The following PPM1B variants were observed in gnomAD, a reference collection of about 807,000 sequenced individuals.
PPM1B encodes the protein protein phosphatase 1B.
PPM1B carries 22 observed loss-of-function variants against 43.0 expected under a neutral mutation model. The ratio of observed to expected loss-of-function variants is 0.51; its 90% CI spans 0.37 to 0.73. The LOEUF (loss-of-function observed/expected upper bound fraction) is 0.73, where lower values mean the gene tolerates loss of function less well. Ranked by LOEUF, PPM1B falls within the 30% of genes least tolerant of loss-of-function variation. The pLI is 0.00. For missense variants in PPM1B, 632 were observed against 584.2 expected (o/e 1.08, Z -0.84); for synonymous variants, 217 against 197.9 (o/e 1.10, Z -0.81).
intron 2 of PPM1B, among the ~76,000 whole-genome samples, chr2:44,202,730 T>G (rs528235463): frequency 6.6e-6 from 1 of 152,282 alleles, no homozygotes; most frequent in Non-Finnish European, 1.5e-5. Flanking sequence ...AAAATTCCTG[T>G]GGAACACTAA....
chr2:44,232,707 A>T (rs1037676510), downstream of PPM1B: 3 of 1,028,844 alleles, frequency 2.9e-6, no homozygotes, highest in African/African-American at 3.4e-5. Context: ...TTTTTTCTTT[A>T]AACAAAACAC....
At chr2:44,233,258 T>C, downstream of PPM1B, 1 of 890,882 alleles carries the variant, frequency 1.1e-6, no homozygotes. Flanking sequence ...CACATTGAAA[T>C]TACTATAAAT....
intron 1 of PPM1B, among the ~76,000 whole-genome samples, chr2:44,172,308 T>G (rs1667384640): frequency 6.6e-6 from 1 of 152,238 alleles, no homozygotes; most frequent in Non-Finnish European, 1.5e-5. Flanking sequence ...TATCGTATAT[T>G]AGCAGAATTG....
intron 2 of PPM1B, among the ~76,000 whole-genome samples, chr2:44,204,150 T>G (rs769876003): frequency 2.0e-5 from 3 of 152,210 alleles, no homozygotes; most frequent in Non-Finnish European, 4.4e-5. Flanking sequence ...GAGGTTTGAA[T>G]TGAAACAAAA....
At chr2:44,244,208 AT>A in intron 5 of PPM1B, 1 of 1,201,444 alleles carries the variant, frequency 8.3e-7, no homozygotes, top group Non-Finnish European at 1.1e-6. Flanking sequence ...ATATATTTCA[AT>A]TTCTATCATA....
chr2:44,232,201 T>C, downstream of PPM1B: 1 of 1,454,494 alleles, frequency 6.9e-7, no homozygotes, highest in South Asian at 1.3e-5. Flanking sequence ...AAGTACCCTT[T>C]TCAGACAAAG....
In PPM1B at chr2:44,230,562, C is replaced by T; in HGVS notation, c.1284C>T (p.Ser428=). ...TAGCTAAAGTAGAGGGAGAAGAAAG[C>T]CCTGCTGAACCAGCTGCCACAGCTA... ...YRLAKVEGEE[S]PAEPAATATS... The change falls in exon 6 of 6, where the codon AGC becomes AGT. Residue 428 remains serine, a synonymous_variant. Coordinates refer to ENST00000282412, the MANE Select transcript of PPM1B (RefSeq NM_002706.6). The T allele has an allele frequency of 6.2e-7, 1 of 1,614,102 alleles. No individual in the cohort carries two copies. Among genetic ancestry groups the T allele is most frequent in the Non-Finnish European group, 8.5e-7 (1 of 1,180,010 alleles).
chr2:44,229,723 A>G (rs1179855302), intron 5 of PPM1B, among the ~76,000 whole-genome samples: 1 of 152,198 alleles, frequency 6.6e-6, no homozygotes, highest in Admixed American at 6.5e-5. Context: ...CTTAACTGTG[A>G]TCAGCTTGGA....
rs922584949 is a variant in PPM1B, at chr2:44,170,983, C to T, written c.-15+1709C>T. On this transcript the variant is annotated intron_variant, in intron 1 of 5. Transcript: ENST00000282412. ...GTCTTAATGGTTGTTGTGTTTTCGC[C>T]TCTTCATTTGTTTTTGCTCTCATGA... Among the ~76,000 whole-genome samples the T allele has an allele frequency of 3.7e-4, 57 of 152,138 alleles. 1 individual carries two copies. The highest frequency in any genetic ancestry group is 1.3e-3 in the African/African-American group (55 of 41,518).
At chr2:44,186,753 A>G (rs1054043481) in intron 1 of PPM1B, among the ~76,000 whole-genome samples, 27 of 152,340 alleles carry the variant, frequency 1.8e-4, no homozygotes, top group African/African-American at 6.5e-4. Flanking sequence ...CTGCTATGGA[A>G]TGTCAAAGGA....
chr2:44,222,160 GT>G (rs1670007328), intron 5 of PPM1B, among the ~76,000 whole-genome samples: 1 of 151,984 alleles, frequency 6.6e-6, no homozygotes, highest in South Asian at 2.1e-4. Flanking sequence ...TAAAATGCTA[GT>G]TTGTGTTTTA....
chr2:44,211,618 A>G (rs572056832), intron 3 of PPM1B, among the ~76,000 whole-genome samples: 16 of 152,044 alleles, frequency 1.1e-4, no homozygotes, highest in African/African-American at 1.2e-4. Flanking sequence ...TAAGTATTCT[A>G]TGGGGAGGCA....
chr2:44,171,145 C>T (rs868181991), intron 1 of PPM1B, among the ~76,000 whole-genome samples: 7 of 152,176 alleles, frequency 4.6e-5, no homozygotes, highest in African/African-American at 1.7e-4. Flanking sequence ...TGATTGTTCT[C>T]TTTGAAGTGA....
intron 5 of PPM1B, among the ~76,000 whole-genome samples, chr2:44,224,256 C>A (rs1416371571): frequency 1.3e-5 from 2 of 152,016 alleles, no homozygotes; most frequent in Non-Finnish European, 2.9e-5. Context: ...GAGATTGAGA[C>A]CATCCTGGCT....
At chr2:44,226,551 A>G (rs1225924114) in intron 5 of PPM1B, among the ~76,000 whole-genome samples, 1 of 152,152 alleles carries the variant, frequency 6.6e-6, no homozygotes, top group Non-Finnish European at 1.5e-5. Context: ...CTTTAAAAGA[A>G]CAACCCAAAT....
intron 1 of PPM1B, among the ~76,000 whole-genome samples, chr2:44,175,500 CA>C (rs940734859): frequency 6.6e-5 from 10 of 152,152 alleles, no homozygotes; most frequent in Non-Finnish European, 1.5e-4. Context: ...AGTATCTGAA[CA>C]AAACAGACAA....
At chr2:44,202,211 T>A (rs1400367644) in intron 2 of PPM1B, among the ~76,000 whole-genome samples, 166 bp downstream of exon 2, 1 of 152,222 alleles carries the variant, frequency 6.6e-6, no homozygotes, top group South Asian at 2.1e-4. Flanking sequence ...GCCATCCTTG[T>A]TTGTCCCAGC....
At chr2:44,244,492 C>A, downstream of PPM1B, 2 of 796,454 alleles carry the variant, frequency 2.5e-6, no homozygotes, top group Non-Finnish European at 3.2e-6. Context: ...ATGTGATAAA[C>A]ACCTGTGGCT....
At chr2:44,238,438 A>G (rs188989779), downstream of PPM1B, among the ~76,000 whole-genome samples, 823 of 152,236 alleles carry the variant, frequency 5.4e-3, 7 homozygotes, top group Non-Finnish European at 5.7e-3. Context: ...ACAGTGCCTC[A>G]CGCCTGTAAT....
Sources: allele counts gnomAD v4.1 joint callset (sites outside exome capture counted in the v4.1 genomes callset), GRCh38; gene constraint gnomAD v4.1.1; transcripts MANE v1.5; gene names NCBI Gene and HGNC (gene_info 2026-07-23, HGNC 2026-07-21).